The following UBXN11 variants were observed in gnomAD, a reference collection of about 807,000 sequenced individuals.
The protein encoded by UBXN11 is UBX domain-containing protein 11.
A neutral mutation model predicts 62.8 loss-of-function variants in UBXN11; 47 were observed. The ratio of observed to expected loss-of-function variants is 0.75; its 90% CI spans 0.59 to 0.95. The LOEUF is 0.95. UBXN11 is among the 40% of genes least tolerant of loss of function. The pLI is 0.00. For synonymous variants in UBXN11, 294 were observed against 267.0 expected (o/e 1.10, Z -0.99); for missense variants, 638 against 661.7 (o/e 0.96, Z 0.39).
intron 6 of UBXN11, 32 bp downstream of exon 6, chr1:26,297,395 G>C (rs1173602450): frequency 1.3e-6 from 2 of 1,509,066 alleles, no homozygotes; most frequent in Non-Finnish European, 1.8e-6. Flanking sequence ...GCCTGACTGG[G>C]GGCGCAGGTC....
At chr1:26,302,097 G>A (rs909798212) in intron 2 of UBXN11, among the ~76,000 whole-genome samples, 25 of 152,166 alleles carry the variant, frequency 1.6e-4, no homozygotes, top group African/African-American at 4.3e-4. Flanking sequence ...GGGGCCAGGC[G>A]CGGTGGCTGG....
chr1:26,293,724 C>CA (rs1163207554), intron 8 of UBXN11, among the ~76,000 whole-genome samples: 16,526 of 26,804 alleles, frequency 0.62, 6,869 homozygotes, highest in Non-Finnish European at 0.67. Context: ...GACTCCGTCT[C>CA]AAAAAAAAAA....
intron 8 of UBXN11, among the ~76,000 whole-genome samples, chr1:26,289,756 A>G (rs2073214823): frequency 6.6e-6 from 1 of 152,188 alleles, no homozygotes; most frequent in African/African-American, 2.4e-5. Flanking sequence ...TACCATGCTC[A>G]GTGGAGAGGT....
chr1:26,289,627 C>T (rs1424849996), intron 8 of UBXN11, among the ~76,000 whole-genome samples: 13 of 152,168 alleles, frequency 8.5e-5, no homozygotes. Context: ...ATGCCCACGC[C>T]CAGGGTCCTG....
In UBXN11 at chr1:26,282,766, G is replaced by A. The variant is rs111606040; in HGVS notation, c.1175C>T (p.Pro392Leu). 5.5e-5 allele frequency: 88 copies of A among 1,613,990 alleles called. No individual in the cohort carries two copies. Among genetic ancestry groups the A allele is most frequent in the South Asian group, 2.6e-4 (24 of 91,094 alleles). ...GCGCAGCATGGAGAGCGGGGGTGCC[G>A]GCGTGTTGGGTGACTCCTGGCTCCT... is the stretch of plus-strand genomic sequence containing the variant. ...RERSQESPNT[P>L]APPLSMLRIK... Residue 392 changes from proline (P) to leucine (L), a missense_variant, in exon 14 of 15, where the codon CCG (proline) becomes CTG (leucine). Coordinates refer to ENST00000374222, the MANE Select transcript of UBXN11 (RefSeq NM_001389556.1).
Position 26,285,551 on chromosome 1 carries a change from A to G in UBXN11, c.775-10T>C, listed in dbSNP as rs11247898. 0.89 allele frequency: 1,395,810 copies of G among 1,562,770 alleles called. 633,851 individuals carry two copies. Among genetic ancestry groups the G allele is most frequent in the Non-Finnish European group, 0.94 (1,077,796 of 1,150,296 alleles). ...TGTCTCGGAGGCAGCGCTGCAAGGG[A>G]AGAGGAAAAGTGAGGGGGTGGCCTG... On this transcript the variant is annotated splice_polypyrimidine_tract_variant and intron_variant, in intron 9 of 14. Coordinates refer to ENST00000374222, the MANE Select transcript of UBXN11 (RefSeq NM_001389556.1).
At chr1:26,316,889 T>C (rs1435235977) in intron 1 of UBXN11, among the ~76,000 whole-genome samples, 2 of 150,190 alleles carry the variant, frequency 1.3e-5, no homozygotes, top group African/African-American at 4.9e-5. Flanking sequence ...CCTCAGCTAA[T>C]ACAAACAACC....
chr1:26,282,435 T>C lies in UBXN11; in HGVS notation c.1427A>G (p.Lys476Arg). ...ALLLRARRAP[K>R]SSLKFSPGPC... Reference sequence around the variant, plus strand: ...ACCAGGACTGAATTTCAGGCTGGACTTCGGGGCTCGGCGTGCCCGCAGCAG... The same window carrying C: ...ACCAGGACTGAATTTCAGGCTGGACCTCGGGGCTCGGCGTGCCCGCAGCAG... The change falls in exon 15 of 15, where the codon AAG becomes AGG. Residue 476 changes from lysine (K) to arginine (R), a missense_variant. Lys to Arg is a conservative substitution (Grantham distance 26). Coordinates refer to ENST00000374222, the MANE Select transcript of UBXN11 (RefSeq NM_001389556.1). 1 of 1,600,002 alleles carries C rather than the reference T, an allele frequency of 6.2e-7. No homozygotes were observed. The highest frequency in any genetic ancestry group is 2.6e-5 in the East Asian group (1 of 39,052).
At chr1:26,285,658 CAT>C in intron 9 of UBXN11, 117 bp from the exon 10 acceptor site, 1 of 1,355,800 alleles carries the variant, frequency 7.4e-7, no homozygotes, top group South Asian at 1.5e-5. Flanking sequence ...ACTCTGGAAA[CAT>C]TCAGAGTCCC....
chr1:26,282,293 G>A lies in UBXN11; in HGVS notation c.*6C>T, dbSNP rs1224962493. On this transcript the variant is annotated 3_prime_UTR_variant, in exon 15 of 15. Transcript: ENST00000374222. ...GGCGGAGCAGCGGGTTGAGGGGGCG[G>A]GTGCTTTATTGGGGGCTGGGACTGG... 1.3e-6 allele frequency: 2 copies of A among 1,493,598 alleles called. No individual in the cohort carries two copies. Among genetic ancestry groups the A allele is most frequent in the Admixed American group, 2.5e-5 (1 of 39,654 alleles). The allele number at this position is 1,493,598 out of a possible 1,614,324, so 92.5% of individuals were successfully genotyped here. A position where few individuals can be genotyped will look rare whatever the true frequency, so the allele number is the denominator to read the frequency against.
At chr1:26,299,647 A>G (rs1466356099) in intron 4 of UBXN11, among the ~76,000 whole-genome samples, 1 of 152,140 alleles carries the variant, frequency 6.6e-6, no homozygotes, top group African/African-American at 2.4e-5. Context: ...GGTCCTGAGA[A>G]GGAAGGAGCA....
rs1255858225 is a variant in UBXN11 at position 26,282,358 on chromosome 1, TGGGGCC to T, written c.1498_1503del (p.Gly500_Pro501del). The T allele has an allele frequency of 2.6e-3, 545 of 207,512 alleles. 13 individuals are homozygous for T. Among genetic ancestry groups the T allele is most frequent in the Non-Finnish European group, 3.6e-3 (415 of 114,224 alleles). 12.9% of individuals were successfully genotyped at this position (207,512 alleles called of 1,614,324 possible). ...CTGGGGCCGGGACCGGGACCGGGACTGGGGCCGGGACCGGGACCGGGACTGGGGCCG... is the reference window on the plus strand; with the variant it reads ...CTGGGGCCGGGACCGGGACCGGGACTGGGACCGGGACCGGGACTGGGGCCG... On this transcript the variant is annotated inframe_deletion, in exon 15 of 15. Coordinates refer to ENST00000374222, the MANE Select transcript of UBXN11 (RefSeq NM_001389556.1).
intron 8 of UBXN11, among the ~76,000 whole-genome samples, chr1:26,293,750 A>AAAAG (rs2073328225): frequency 6.6e-6 from 1 of 150,768 alleles, no homozygotes; most frequent in Non-Finnish European, 1.5e-5. Context: ...AAAAAAAAAA[A>AAAAG]AAGACATGGT....
At chr1:26,288,361 G>A (rs986414162) in intron 8 of UBXN11, among the ~76,000 whole-genome samples, 2 of 152,164 alleles carry the variant, frequency 1.3e-5, no homozygotes, top group Admixed American at 6.5e-5. Context: ...CCAAGAAAAT[G>A]GCCCTGGCTT....
intron 1 of UBXN11, among the ~76,000 whole-genome samples, chr1:26,311,645 G>A (rs1317614628): frequency 1.3e-5 from 2 of 152,036 alleles, no homozygotes; most frequent in Non-Finnish European, 2.9e-5. Flanking sequence ...GTTTCACCAT[G>A]TTGGTCAGGC....
chr1:26,284,639 C>T (rs558284804), intron 10 of UBXN11, 157 bp from the exon 11 acceptor site: 2 of 1,389,526 alleles, frequency 1.4e-6, no homozygotes, highest in South Asian at 3.3e-5. Context: ...AGCCACGGTT[C>T]GTACTGCTGT....
At position 26,282,328 on chromosome 1, in the gene UBXN11, A is replaced by AGGGACTGGGGCC; in HGVS notation, c.1522_1533dup (p.Gly508_Pro511dup). 6.4e-6 allele frequency: 5 copies of AGGGACTGGGGCC among 776,108 alleles called. No homozygotes were observed. The highest frequency in any genetic ancestry group is 6.3e-5 in the Admixed American group (1 of 15,972). The allele number at this position is 776,108 out of a possible 1,614,324, so 48.1% of individuals were successfully genotyped here. ...TGGGGGCTGGGACTGGGTCCAGGAC[A>AGGGACTGGGGCC]GGGACTGGGGCCGGGACCGGGACCG... On this transcript the variant is annotated inframe_insertion, in exon 15 of 15. Coordinates refer to ENST00000374222, the MANE Select transcript of UBXN11 (RefSeq NM_001389556.1).
At position 26,284,480 on chromosome 1, in the gene UBXN11, C is replaced by A; in HGVS notation, c.855G>T (p.Val285=). The change falls in exon 11 of 15, where the codon GTG becomes GTT. Residue 285 remains valine (V), a splice_region_variant and synonymous_variant. Transcript: ENST00000374222. Reference sequence around the variant, plus strand: ...GGTAGACCTGATTGCGCAAGTCACTCACCTGGCAAGAAAGAAGGGCAACGA... The same window carrying A: ...GGTAGACCTGATTGCGCAAGTCACTAACCTGGCAAGAAAGAAGGGCAACGA... ...RLYPNGVPFK[V]SDLRNQVYLE... 6.3e-7 allele frequency: 1 copy of A among 1,591,264 alleles called. No homozygotes were observed. The highest frequency in any genetic ancestry group is 8.6e-7 in the Non-Finnish European group (1 of 1,164,538).
At chr1:26,300,213 C>T (rs547241514) in intron 4 of UBXN11, among the ~76,000 whole-genome samples, 10 of 152,304 alleles carry the variant, frequency 6.6e-5, no homozygotes, top group African/African-American at 1.7e-4. Context: ...GAGCACCTCG[C>T]GTGACAGGCG....
Sources: gnomAD v4.1 joint callset for allele counts (sites outside exome capture counted in the v4.1 genomes callset) on GRCh38, gnomAD v4.1.1 for gene constraint, MANE v1.5 for transcripts, NCBI Gene and HGNC (gene_info 2026-07-23, HGNC 2026-07-21) for gene names.